Variants in NT5C2 observed in about 807,000 individuals in gnomAD.
The protein encoded by NT5C2 is cytosolic purine 5'-nucleotidase.
NT5C2 carries 58 observed loss-of-function variants against 76.1 expected under a neutral mutation model. The ratio of observed to expected loss-of-function variants is 0.76; its 90% CI spans 0.62 to 0.95. The LOEUF (loss-of-function observed/expected upper bound fraction) is 0.95, where lower values mean the gene tolerates loss of function less well. Among genes scored for constraint, NT5C2 ranks in the 40% least tolerant of loss-of-function variants. The pLI is 0.00. For synonymous variants in NT5C2, 229 were observed against 237.4 expected, an observed-to-expected ratio of 0.96 and a Z score of 0.32; for missense variants, 478 against 690.3, an observed-to-expected ratio of 0.69 and a Z score of 3.45.
intron 4 of NT5C2, among the ~76,000 whole-genome samples, chr10:103,116,837 A>C (rs919926533): frequency 6.6e-6 from 1 of 152,032 alleles, no homozygotes; most frequent in African/African-American, 2.4e-5. Flanking sequence ...GGCTGCCCAA[A>C]GCACTGCAAT....
intron 2 of NT5C2, among the ~76,000 whole-genome samples, chr10:103,180,916 T>C (rs1439895616): frequency 1.3e-5 from 2 of 152,202 alleles, no homozygotes; most frequent in East Asian, 1.9e-4. Context: ...ATAACTACAC[T>C]GAGTGAAAGA....
At chr10:103,097,457 C>G in intron 10 of NT5C2, 83 bp from the exon 11 acceptor site, 1 of 1,186,032 alleles carries the variant, frequency 8.4e-7, no homozygotes. Context: ...GGATTTCTGT[C>G]CACAACAGGA....
intron 3 of NT5C2, among the ~76,000 whole-genome samples, chr10:103,167,068 T>C (rs1435933021): frequency 6.6e-6 from 1 of 151,636 alleles, no homozygotes; most frequent in Non-Finnish European, 1.5e-5. Flanking sequence ...CAGGCTGGAG[T>C]GCAGTGGTAA....
At chr10:103,167,980 C>T (rs1297137157) in intron 3 of NT5C2, among the ~76,000 whole-genome samples, 1 of 152,088 alleles carries the variant, frequency 6.6e-6, no homozygotes, top group South Asian at 2.1e-4. Flanking sequence ...AGCAAAATTA[C>T]ATATACACAA....
At chr10:103,189,429 A>C (rs2092424590) in intron 1 of NT5C2, among the ~76,000 whole-genome samples, 2 of 151,788 alleles carry the variant, frequency 1.3e-5, no homozygotes, top group African/African-American at 4.8e-5. Flanking sequence ...AACATGGTGA[A>C]ACCCCATCTC....
intron 4 of NT5C2, among the ~76,000 whole-genome samples, chr10:103,120,014 A>G (rs1235315703): frequency 6.6e-6 from 1 of 151,944 alleles, no homozygotes; most frequent in African/African-American, 2.4e-5. Flanking sequence ...TGGGAGAATC[A>G]CTTGAGCCTG....
chr10:103,093,060 G>GTAA, intron 15 of NT5C2, 79 bp downstream of exon 15: 1 of 1,273,402 alleles, frequency 7.9e-7, no homozygotes. Context: ...TGAATACAAA[G>GTAA]TAATGGTTTA....
chr10:103,145,389 A>G (rs149036097), intron 3 of NT5C2, among the ~76,000 whole-genome samples: 35 of 152,314 alleles, frequency 2.3e-4, no homozygotes, highest in Non-Finnish European at 4.9e-4. Flanking sequence ...TACTATATCA[A>G]TTACAAGGCT....
intron 2 of NT5C2, among the ~76,000 whole-genome samples, chr10:103,177,232 A>G (rs113430534): frequency 2.2e-3 from 342 of 152,268 alleles, no homozygotes; most frequent in African/African-American, 7.7e-3. Flanking sequence ...GAACAAAAAG[A>G]AGGAATAAAC....
At chr10:103,174,748 A>G (rs1257549299) in intron 3 of NT5C2, 110 bp downstream of exon 3, 8 of 768,840 alleles carry the variant, frequency 1.0e-5, no homozygotes, top group South Asian at 1.0e-4. Context: ...TGTACTAGAC[A>G]TACGATCTGG....
chr10:103,121,211 T>A (rs2075593567), intron 4 of NT5C2, among the ~76,000 whole-genome samples: 1 of 152,312 alleles, frequency 6.6e-6, no homozygotes, highest in East Asian at 1.9e-4. Flanking sequence ...GTGGTGAGCA[T>A]TGTGCAACTT....
intron 6 of NT5C2, 48 bp from the exon 7 acceptor site, chr10:103,101,374 A>G (rs770609521): frequency 1.5e-5 from 16 of 1,054,518 alleles, no homozygotes; most frequent in Middle Eastern, 2.6e-4. Flanking sequence ...TAACATTATA[A>G]TAATTGGGAA....
intron 3 of NT5C2, among the ~76,000 whole-genome samples, chr10:103,173,542 G>A (rs144904496): frequency 2.0e-3 from 301 of 149,934 alleles, no homozygotes; most frequent in Middle Eastern, 3.5e-3. Flanking sequence ...GCGTGGACCC[G>A]GGAGACGGAG....
chr10:103,128,435 G>A (rs1447692566), intron 4 of NT5C2, among the ~76,000 whole-genome samples: 1 of 120,712 alleles, frequency 8.3e-6, no homozygotes. Flanking sequence ...CCTCCCAGCC[G>A]CCTGCCTTGG....
intron 4 of NT5C2, among the ~76,000 whole-genome samples, chr10:103,121,128 G>C (rs776937162): frequency 3.3e-5 from 5 of 152,168 alleles, no homozygotes; most frequent in Non-Finnish European, 7.3e-5. Flanking sequence ...GAGGGGTGGA[G>C]GGAATGGGGA....
intron 4 of NT5C2, among the ~76,000 whole-genome samples, chr10:103,117,817 T>C (rs1201890650): frequency 1.3e-5 from 2 of 152,210 alleles, no homozygotes; most frequent in Non-Finnish European, 2.9e-5. Flanking sequence ...GTGGCACATG[T>C]TTGTTCCTCA....
At chr10:103,113,586 T>C (rs1344605443) in intron 4 of NT5C2, among the ~76,000 whole-genome samples, 5 of 152,170 alleles carry the variant, frequency 3.3e-5, no homozygotes, top group Non-Finnish European at 7.4e-5. Context: ...ATACCTACAG[T>C]GTACCAGGTA....
At chr10:103,193,069 G>T (rs967962809) in intron 1 of NT5C2, among the ~76,000 whole-genome samples, 167 bp downstream of exon 1, 5 of 151,198 alleles carry the variant, frequency 3.3e-5, no homozygotes, top group Non-Finnish European at 5.9e-5. Context: ...CGCTGGCGGG[G>T]ACTCGGCCTA....
At chr10:103,188,036 G>A (rs560292837) in intron 1 of NT5C2, among the ~76,000 whole-genome samples, 11 of 152,192 alleles carry the variant, frequency 7.2e-5, no homozygotes, top group Non-Finnish European at 1.6e-4. Context: ...AAAAGAATAT[G>A]TAACACAAAT....
Sources: allele counts gnomAD v4.1 joint callset (sites outside exome capture counted in the v4.1 genomes callset), GRCh38; gene constraint gnomAD v4.1.1; transcripts MANE v1.5; gene names NCBI Gene and HGNC (gene_info 2026-07-23, HGNC 2026-07-21).